The following GLCCI1 variants were observed in gnomAD, a reference collection of about 807,000 sequenced individuals.
GLCCI1 encodes the protein glucocorticoid induced 1.
GLCCI1 carries 24 observed loss-of-function variants against 52.2 expected under a neutral mutation model. The ratio of observed to expected loss-of-function variants is 0.46; its 90% CI spans 0.33 to 0.65. The LOEUF is 0.65. Among genes scored for constraint, GLCCI1 ranks in the 30% least tolerant of loss-of-function variants. The probability of loss-of-function intolerance (pLI) is 0.02; values close to 1 mark genes in which losing one functional copy is unlikely to be tolerated. For synonymous variants in GLCCI1, 310 were observed against 276.5 expected (o/e 1.12, Z -1.20); for missense variants, 704 against 701.5 (o/e 1.00, Z -0.04).
At chr7:8,054,828 C>T (rs565635354) in intron 3 of GLCCI1, among the ~76,000 whole-genome samples, 9 of 151,980 alleles carry the variant, frequency 5.9e-5, no homozygotes, top group Admixed American at 2.0e-4. Flanking sequence ...TTCTGTGAAA[C>T]GAGGGAAGTG....
chr7:8,069,306 G>T (rs1403236905), intron 5 of GLCCI1, among the ~76,000 whole-genome samples: 3 of 152,164 alleles, frequency 2.0e-5, no homozygotes, highest in Non-Finnish European at 4.4e-5. Context: ...GGGGGATCCT[G>T]GGGGAGACAG....
At chr7:8,067,930 A>G (rs565107709) in intron 5 of GLCCI1, among the ~76,000 whole-genome samples, 1 of 152,300 alleles carries the variant, frequency 6.6e-6, no homozygotes, top group South Asian at 2.1e-4. Flanking sequence ...CATGGACGGT[A>G]TCCTGAAATC....
intron 2 of GLCCI1, among the ~76,000 whole-genome samples, chr7:8,016,326 G>A (rs535224405): frequency 2.0e-5 from 3 of 152,156 alleles, no homozygotes; most frequent in Admixed American, 1.3e-4. Context: ...AAAATTAGCC[G>A]GGTGTGGTGG....
At chr7:8,036,829 G>A (rs962670552) in intron 3 of GLCCI1, among the ~76,000 whole-genome samples, 1 of 152,138 alleles carries the variant, frequency 6.6e-6, no homozygotes, top group African/African-American at 2.4e-5. Context: ...GACAGGTCCT[G>A]CAAGTTAATC....
At chr7:8,026,413 A>G (rs934310115) in intron 3 of GLCCI1, among the ~76,000 whole-genome samples, 8 of 152,238 alleles carry the variant, frequency 5.3e-5, no homozygotes, top group Non-Finnish European at 8.8e-5. Context: ...CCAATGGAGT[A>G]CTAAATTTTA....
At chr7:7,999,419 G>A (rs1207967711) in intron 1 of GLCCI1, among the ~76,000 whole-genome samples, 1 of 151,712 alleles carries the variant, frequency 6.6e-6, no homozygotes, top group Admixed American at 6.6e-5. Context: ...ACCATCTTGA[G>A]CAACACAGCG....
At chr7:8,055,614 AT>A in intron 4 of GLCCI1, 65 bp downstream of exon 4, 1 of 918,012 alleles carries the variant, frequency 1.1e-6, no homozygotes, top group Admixed American at 1.9e-5. Flanking sequence ...GGAATTCATC[AT>A]TTCAGCATTT....
intron 5 of GLCCI1, among the ~76,000 whole-genome samples, chr7:8,068,489 G>A (rs1032419154): frequency 3.9e-5 from 6 of 152,200 alleles, no homozygotes; most frequent in Admixed American, 3.9e-4. Flanking sequence ...TCAACTCTCT[G>A]ATCAGTTTGG....
chr7:7,970,506 G>C (rs533346606), intron 1 of GLCCI1: 2 of 152,216 alleles, frequency 1.3e-5, no homozygotes, highest in South Asian at 4.2e-4. Context: ...GATTTTCATG[G>C]TAAATTTCTG....
Position 8,086,642 on chromosome 7 carries a change from A to G in GLCCI1, c.*104A>G. On this transcript the variant is annotated 3_prime_UTR_variant, in exon 8 of 8. Transcript: ENST00000223145. The surrounding 1 kb of genome is among the most constrained non-coding windows in gnomAD (Gnocchi z 4.4). ...TCTGAACACCACCACCACCAATAAT[A>G]CTTATCAGCATCATAAAGTATCTCT... 1 of 850,216 alleles carries G rather than the reference A, an allele frequency of 1.2e-6. No individual in the cohort carries two copies. The highest frequency in any genetic ancestry group is 1.8e-6 in the Non-Finnish European group (1 of 541,554). The allele number at this position is 850,216 out of a possible 1,614,324, so 52.7% of individuals were successfully genotyped here.
At chr7:8,041,782 A>G (rs1328358289) in intron 3 of GLCCI1, among the ~76,000 whole-genome samples, 1 of 151,992 alleles carries the variant, frequency 6.6e-6, no homozygotes, top group Non-Finnish European at 1.5e-5. Flanking sequence ...TGTAGAGACA[A>G]GGTCTCATTA....
chr7:7,995,924 GT>G (rs1780929589), intron 1 of GLCCI1, among the ~76,000 whole-genome samples: 2 of 151,938 alleles, frequency 1.3e-5, no homozygotes, highest in South Asian at 4.2e-4. Flanking sequence ...TAAATTTTAA[GT>G]TCAATTAAAA....
intron 2 of GLCCI1, among the ~76,000 whole-genome samples, chr7:8,012,680 T>C (rs258852): frequency 0.63 from 94,771 of 151,526 alleles, 30,378 homozygotes; most frequent in African/African-American, 0.77. Context: ...CTCCTGACCT[T>C]GTGATCCACC....
chr7:7,985,240 G>A (rs1780698639), intron 1 of GLCCI1, among the ~76,000 whole-genome samples: 1 of 152,098 alleles, frequency 6.6e-6, no homozygotes, highest in Non-Finnish European at 1.5e-5. Flanking sequence ...GTGTATGAGA[G>A]AGGGAGGGAA....
chr7:7,975,213 T>C (rs1470743532), intron 1 of GLCCI1, among the ~76,000 whole-genome samples: 1 of 152,220 alleles, frequency 6.6e-6, no homozygotes, highest in African/African-American at 2.4e-5. Flanking sequence ...GCAGTAATTC[T>C]GAAAAATCTA....
chr7:8,004,877 T>A (rs1472907192), intron 2 of GLCCI1, among the ~76,000 whole-genome samples: 1 of 151,904 alleles, frequency 6.6e-6, no homozygotes, highest in African/African-American at 2.4e-5. Flanking sequence ...ATAATTAGAG[T>A]TTCATGTCCG....
intron 3 of GLCCI1, among the ~76,000 whole-genome samples, chr7:8,025,759 T>A (rs1354703737): frequency 1.3e-5 from 2 of 152,140 alleles, no homozygotes; most frequent in Non-Finnish European, 2.9e-5. Flanking sequence ...CTTTAACAGC[T>A]GACTTTAAAA....
intron 1 of GLCCI1, chr7:7,970,033 C>A: frequency 2.7e-6 from 1 of 366,238 alleles, no homozygotes; most frequent in Non-Finnish European, 4.1e-6. Flanking sequence ...TCTTCCATCA[C>A]TCGCCTGCTT....
chr7:8,014,736 T>G (rs1781341217), intron 2 of GLCCI1, among the ~76,000 whole-genome samples: 1 of 152,232 alleles, frequency 6.6e-6, no homozygotes, highest in Non-Finnish European at 1.5e-5. Context: ...TTTCTTAATT[T>G]CTTCCATGGC....
Sources: allele counts gnomAD v4.1 joint callset (sites outside exome capture counted in the v4.1 genomes callset), GRCh38; gene constraint gnomAD v4.1.1; non-coding constraint Gnocchi (gnomAD v3.1); transcripts MANE v1.5; gene names NCBI Gene and HGNC (gene_info 2026-07-23, HGNC 2026-07-21).